Variants in DISC1 observed in about 807,000 individuals in gnomAD.
DISC1 encodes DISC1 scaffold protein, also known as disrupted in schizophrenia 1 protein.
In DISC1, 57 loss-of-function variants were observed where a neutral mutation model predicts 84.5. The ratio of observed to expected loss-of-function variants is 0.67; its 90% confidence interval spans 0.55 to 0.84. The LOEUF is 0.84. DISC1 is among the 40% of genes least tolerant of loss of function. The pLI, the probability that DISC1 is intolerant of heterozygous loss-of-function variation, is 0.00. For synonymous variants in DISC1, 411 were observed against 415.2 expected, an observed-to-expected ratio of 0.99 and a Z score of 0.12; for missense variants, 1,000 against 1,057.8, an observed-to-expected ratio of 0.95 and a Z score of 0.76.
intron 9 of DISC1, among the ~76,000 whole-genome samples, chr1:231,841,849 A>G (rs2083092461): frequency 6.6e-6 from 1 of 152,244 alleles, no homozygotes; most frequent in Non-Finnish European, 1.5e-5. Context: ...AGGGCAAGAG[A>G]TAATTCCTTA....
intron 9 of DISC1, among the ~76,000 whole-genome samples, chr1:231,927,901 T>C (rs1453953103): frequency 2.0e-5 from 3 of 152,194 alleles, no homozygotes; most frequent in African/African-American, 7.2e-5. Flanking sequence ...GATGCTATAG[T>C]TCCAGAGGGC....
chr1:231,975,705 G>A lies in DISC1; in HGVS notation c.2042+16817G>A, dbSNP rs374133342. Among the ~76,000 whole-genome samples, 49 of 152,318 alleles carry A rather than the reference G, an allele frequency of 3.2e-4. No homozygotes were observed. In the South Asian group the frequency reaches 9.9e-3, roughly 31 times the overall value. ...TGGATAGAATTGGAAGTCATTATCC[G>A]AAGTGAAACAAGCCAGACACAGAAC... On this transcript the variant is annotated intron_variant, in intron 10 of 12. Coordinates refer to ENST00000439617, the MANE Select transcript of DISC1 (RefSeq NM_018662.3).
At chr1:231,676,701 T>A (rs1177345892) in intron 1 of DISC1, among the ~76,000 whole-genome samples, 1 of 152,222 alleles carries the variant, frequency 6.6e-6, no homozygotes, top group Non-Finnish European at 1.5e-5. Context: ...GTGTAATAAG[T>A]GAATTAAAGC....
intron 1 of DISC1, among the ~76,000 whole-genome samples, chr1:231,642,810 G>A (rs993586937): frequency 6.6e-6 from 1 of 152,194 alleles, no homozygotes; most frequent in Non-Finnish European, 1.5e-5. Flanking sequence ...CTTGAAAGAA[G>A]TTCAGCTCAG....
chr1:231,937,491 A>G (rs2126122259), intron 9 of DISC1, among the ~76,000 whole-genome samples: 1 of 152,344 alleles, frequency 6.6e-6, no homozygotes, highest in South Asian at 2.1e-4. Context: ...TTTATGCAAC[A>G]GGAGGGACAG....
chr1:231,949,936 A>C (rs1444550112), intron 9 of DISC1, among the ~76,000 whole-genome samples: 1 of 152,040 alleles, frequency 6.6e-6, no homozygotes, highest in Non-Finnish European at 1.5e-5. Flanking sequence ...TTTTTTATTT[A>C]CTCCTTGAAA....
chr1:231,789,128 C>A (rs1241839694), intron 6 of DISC1, among the ~76,000 whole-genome samples: 1 of 152,078 alleles, frequency 6.6e-6, no homozygotes, highest in Non-Finnish European at 1.5e-5. Flanking sequence ...GGGTGGAAGA[C>A]GAGTGGATGT....
chr1:231,770,906 A>G lies in DISC1; in HGVS notation c.1470A>G (p.Ile490Met), dbSNP rs750185997. 6.2e-6 allele frequency: 10 copies of G among 1,614,092 alleles called. No individual in the cohort carries two copies. In the Admixed American group the frequency reaches 1.2e-4, roughly 19 times the overall value. ...EAKDQQLRRE[I>M]EEQEQQLQWQ... ...AAGATCAACAGCTGAGAAGGGAAAT[A>G]GAGGAGCAAGAGCAGCAACTCCAGT... Residue 490 changes from isoleucine (I) to methionine (M), a missense_variant, in exon 6 of 13, where the codon ATA (isoleucine) becomes ATG (methionine). Around this residue, in one of 3 missense-constraint regions of DISC1, gnomAD observed 311 missense variants for 400.1 expected, o/e 0.78. Transcript: ENST00000439617.
intron 6 of DISC1, among the ~76,000 whole-genome samples, chr1:231,777,312 C>T (rs564991241): frequency 2.0e-5 from 3 of 152,186 alleles, no homozygotes; most frequent in East Asian, 1.9e-4. Context: ...GCATTTTACT[C>T]CTGAGCTCAA....
At chr1:232,018,846 C>T (rs1265008648) in intron 11 of DISC1, among the ~76,000 whole-genome samples, 1 of 152,108 alleles carries the variant, frequency 6.6e-6, no homozygotes, top group East Asian at 1.9e-4. Context: ...GTCCCTGTGG[C>T]AAGAAAATTA....
chr1:232,030,529 A>G (rs996151728), intron 12 of DISC1, among the ~76,000 whole-genome samples: 2 of 152,168 alleles, frequency 1.3e-5, no homozygotes, highest in Non-Finnish European at 2.9e-5. Flanking sequence ...GGAAGCCCTT[A>G]TGGAATTCTG....
chr1:231,912,740 CTCTTCTTTCTTTCTTTCTTTCTT>C lies in DISC1; in HGVS notation c.1982-46083_1982-46061del, dbSNP rs202115187. On this transcript the variant is annotated intron_variant, in intron 9 of 12. Transcript: ENST00000439617. ...CAGGGACATTTAAGTCTGCAGCTTG[CTCTTCTTTCTTTCTTTCTTTCTT>C]TCTTTCTTTCTTTCTTTCTTTCTTT... Among the ~76,000 whole-genome samples the C allele has an allele frequency of 6.0e-3, 884 of 147,714 alleles. 7 individuals are homozygous for C. The highest frequency in any genetic ancestry group is 0.038 in the East Asian group (187 of 4,918).
rs1471173499 is a variant in DISC1, at chr1:231,909,607, A to T, written c.1982-49221A>T. On this transcript the variant is annotated intron_variant, in intron 9 of 12. Transcript: ENST00000439617. ...ATTGAGGATATTTTTGTCGATGTTC[A>T]TCAGGGATATTAGTCTAAAATTCTC... Among the ~76,000 whole-genome samples, 3 of 152,314 alleles carry T rather than the reference A, an allele frequency of 2.0e-5. No individual in the cohort carries two copies. The East Asian group carries it at 5.8e-4, about 29-fold the overall frequency.
intron 9 of DISC1, among the ~76,000 whole-genome samples, chr1:231,828,463 C>G (rs1329657062): frequency 2.6e-5 from 4 of 152,128 alleles, no homozygotes; most frequent in Middle Eastern, 3.2e-3. Flanking sequence ...GGACATTCCC[C>G]CGTGGTCTGG....
Position 231,723,527 on chromosome 1 carries a change from T to A in DISC1, c.1117+21503T>A, listed in dbSNP as rs368408056. ...GCAGTCCTGTGGTTACATCAAAGGT[T>A]AAATTTCATATAGCATGTCTGTTAT... On this transcript the variant is annotated intron_variant, in intron 3 of 12. Coordinates refer to ENST00000439617, the MANE Select transcript of DISC1 (RefSeq NM_018662.3). 16 of 985,518 alleles carry A rather than the reference T, an allele frequency of 1.6e-5. 1 individual carries two copies. In the South Asian group the frequency reaches 6.1e-4, roughly 38 times the overall value. The allele number at this position is 985,518 out of a possible 1,614,324, so 61.0% of individuals were successfully genotyped here.
intron 11 of DISC1, among the ~76,000 whole-genome samples, chr1:232,024,500 C>T (rs1294497741): frequency 6.6e-6 from 1 of 152,054 alleles, no homozygotes; most frequent in Non-Finnish European, 1.5e-5. Context: ...ATTACCGCAC[C>T]TGGGCATTTT....
At chr1:231,875,284 A>G (rs999709) in intron 9 of DISC1, among the ~76,000 whole-genome samples, 75,592 of 151,592 alleles carry the variant, frequency 0.5, 18,974 homozygotes, top group African/African-American at 0.53. Context: ...ACCAGCCCCC[A>G]GCCCTGGTGA....
chr1:231,689,332 T>G (rs1241036374), intron 1 of DISC1, among the ~76,000 whole-genome samples: 1 of 152,016 alleles, frequency 6.6e-6, no homozygotes, highest in Non-Finnish European at 1.5e-5. Flanking sequence ...CGTGTCTTTT[T>G]TTTTTGTTGT....
At chr1:231,799,307 G>A (rs1003585894) in intron 7 of DISC1, among the ~76,000 whole-genome samples, 1 of 152,084 alleles carries the variant, frequency 6.6e-6, no homozygotes, top group Non-Finnish European at 1.5e-5. Context: ...TCCCTAAACA[G>A]TGTCTATTAA....
Sources: allele counts gnomAD v4.1 joint callset (sites outside exome capture counted in the v4.1 genomes callset), GRCh38; gene constraint gnomAD v4.1.1; regional missense constraint gnomAD v4.1.1; transcripts MANE v1.5; gene names NCBI Gene and HGNC (gene_info 2026-07-23, HGNC 2026-07-21).